Variants in PAXBP1 observed in about 807,000 individuals in gnomAD.
PAXBP1 encodes PAX3- and PAX7-binding protein 1.
A neutral mutation model predicts 119.9 loss-of-function variants in PAXBP1; 44 were observed. The observed-to-expected ratio is 0.37, with a 90% CI of 0.29 to 0.47. The LOEUF (loss-of-function observed/expected upper bound fraction) is 0.47, where lower values mean the gene tolerates loss of function less well. Ranked by LOEUF, PAXBP1 falls within the 20% of genes least tolerant of loss-of-function variation. The probability of loss-of-function intolerance (pLI) is 0.99; values close to 1 mark genes in which losing one functional copy is unlikely to be tolerated. For synonymous variants in PAXBP1, 393 were observed against 406.6 expected, an observed-to-expected ratio of 0.97 and a Z score of 0.40; for missense variants, 898 against 1,134.1, an observed-to-expected ratio of 0.79 and a Z score of 2.99.
rs1718621779 is a variant in PAXBP1, at chr21:32,771,655, G to A, written c.14C>T (p.Ala5Val). 7.0e-7 allele frequency: 1 copy of A among 1,430,946 alleles called. No homozygotes were observed. Among genetic ancestry groups the A allele is most frequent in the Admixed American group, 2.9e-5 (1 of 35,016 alleles). The allele number at this position is 1,430,946 out of a possible 1,614,324, so 88.6% of individuals were successfully genotyped here. A position where few individuals can be genotyped will look rare whatever the true frequency, so the allele number is the denominator to read the frequency against. ...CCGCTTGCGCACGTTCACCCGCCGG[G>A]CCTTTCGGAACATCCCCGCGGCCCG... MFRK[A>V]RRVNVRKRND... Residue 5 changes from alanine (A) to valine (V), a missense_variant, in exon 1 of 18, where the codon GCC becomes GTC. Ala to Val is a moderately conservative substitution (Grantham distance 64). Coordinates refer to ENST00000331923, the MANE Select transcript of PAXBP1 (RefSeq NM_016631.4).
Position 32,764,512 on chromosome 21 carries a change from A to C in PAXBP1, c.485T>G (p.Leu162Trp), listed in dbSNP as rs781563968. Residue 162 changes from leucine to tryptophan, a missense_variant, in exon 3 of 18, where the codon TTG becomes TGG. Coordinates refer to ENST00000331923, the MANE Select transcript of PAXBP1 (RefSeq NM_016631.4). ...LNSSAESEQP[L>W]DKTGHVKDTN... ...ATCCTTAACATGTCCTGTTTTGTCC[A>C]AAGGTTGTTCACCTAAATTTTTGAA... is the stretch of plus-strand genomic sequence containing the variant. The C allele has an allele frequency of 3.8e-6, 6 of 1,596,440 alleles. No individual in the cohort carries two copies. In the East Asian group the frequency reaches 1.1e-4, roughly 30 times the overall value.
chr21:32,764,583 A>G, intron 2 of PAXBP1, 59 bp from the exon 3 acceptor site: 2 of 1,361,622 alleles, frequency 1.5e-6, no homozygotes, highest in Admixed American at 2.7e-5. Context: ...AAGAAAGTTT[A>G]TTCCAATGGT....
chr21:32,753,443 A>AAC (rs2043992684), intron 8 of PAXBP1, among the ~76,000 whole-genome samples: 2 of 151,808 alleles, frequency 1.3e-5, no homozygotes, highest in South Asian at 4.1e-4. Flanking sequence ...AAAAAAAAAA[A>AAC]AAAACATTAT....
intron 6 of PAXBP1, 51 bp from the exon 7 acceptor site, chr21:32,759,320 G>T: frequency 6.5e-7 from 1 of 1,535,132 alleles, no homozygotes; most frequent in Non-Finnish European, 8.9e-7. Flanking sequence ...AAAGGTCTAT[G>T]GTGTCAGGAC....
chr21:32,771,200 C>T, intron 1 of PAXBP1, 126 bp downstream of exon 1: 1 of 900,718 alleles, frequency 1.1e-6, no homozygotes, highest in Non-Finnish European at 1.5e-6. Flanking sequence ...GATTCGCAGC[C>T]GGTCGGACGG....
chr21:32,769,310 C>G lies in PAXBP1; in HGVS notation c.472+504G>C, dbSNP rs577624942. Among the ~76,000 whole-genome samples the G allele has an allele frequency of 9.9e-5, 15 of 151,954 alleles. No individual in the cohort carries two copies. In the South Asian group the frequency reaches 3.1e-3, roughly 32 times the overall value. On this transcript the variant is annotated intron_variant, in intron 2 of 17. Coordinates refer to ENST00000331923, the MANE Select transcript of PAXBP1 (RefSeq NM_016631.4). ...AGAGATGTCTGTACAATATACCTGC[C>G]TCATTATTCTAAGGAGTCTTCATCT...
At position 32,743,682 on chromosome 21, in the gene PAXBP1, T is replaced by G. The variant is rs779823211; in HGVS notation, c.2263A>C (p.Lys755Gln). The G allele has an allele frequency of 6.3e-7, 1 of 1,577,038 alleles. No homozygotes were observed. Among genetic ancestry groups the G allele is most frequent in the Admixed American group, 1.7e-5 (1 of 58,610 alleles). ...DDDVFMPLYP[K>Q]NVLENKNSGP... ...ATGTTCTTCAGAGTTACTTACTTTT[T>G]GGGATATAAGGGCATAAATACATCA... is the stretch of plus-strand genomic sequence containing the variant. The change falls in exon 14 of 18, where the codon AAA becomes CAA. Residue 755 changes from lysine to glutamine, a missense_variant. This residue lies in a region of PAXBP1 where 599 missense variants were observed against 852.7 expected (regional missense o/e 0.70). Coordinates refer to ENST00000331923, the MANE Select transcript of PAXBP1 (RefSeq NM_016631.4).
At chr21:32,758,506 A>T (rs1051292967) in intron 7 of PAXBP1, among the ~76,000 whole-genome samples, 2 of 152,064 alleles carry the variant, frequency 1.3e-5, no homozygotes, top group South Asian at 4.1e-4. Flanking sequence ...TCAACTGACT[A>T]TCCTATTGAA....
At chr21:32,758,718 G>A (rs991761718) in intron 7 of PAXBP1, among the ~76,000 whole-genome samples, 5 of 148,202 alleles carry the variant, frequency 3.4e-5, no homozygotes, top group African/African-American at 1.2e-4. Flanking sequence ...TTGTAGAAAC[G>A]TTTAAAAATA....
chr21:32,741,263 T>A (rs1194610247), intron 15 of PAXBP1: 3 of 308,758 alleles, frequency 9.7e-6, no homozygotes, highest in Non-Finnish European at 1.8e-5. Context: ...ATAACCAAAT[T>A]GGAAATGTCG....
At chr21:32,746,329 C>T (rs922133264) in intron 11 of PAXBP1, among the ~76,000 whole-genome samples, 1 of 152,150 alleles carries the variant, frequency 6.6e-6, no homozygotes, top group Admixed American at 6.5e-5. Context: ...AGTGAACAGA[C>T]AACCTACAGA....
At chr21:32,754,386 G>A (rs1353262666) in intron 8 of PAXBP1, among the ~76,000 whole-genome samples, 1 of 152,114 alleles carries the variant, frequency 6.6e-6, no homozygotes, top group Non-Finnish European at 1.5e-5. Context: ...TTCCATTTGA[G>A]AAATGCTGAC....
At chr21:32,760,728 A>C (rs1310478029) in intron 5 of PAXBP1, among the ~76,000 whole-genome samples, 2 of 152,106 alleles carry the variant, frequency 1.3e-5, no homozygotes, top group Non-Finnish European at 2.9e-5. Flanking sequence ...GGGGGCTGAT[A>C]ATTTGGTAAT....
At position 32,764,506 on chromosome 21, in the gene PAXBP1, T is replaced by TC; in HGVS notation, c.490_491insG (p.Lys164ArgfsTer6). On this transcript the variant is annotated frameshift_variant, in exon 3 of 18. Transcript: ENST00000331923. LOFTEE classifies it high-confidence loss of function. ...ATTTGTATCCTTAACATGTCCTGTT[T>TC]TGTCCAAAGGTTGTTCACCTAAATT... 6.2e-7 allele frequency: 1 copy of TC among 1,609,258 alleles called. No homozygotes were observed. The highest frequency in any genetic ancestry group is 2.2e-5 in the East Asian group (1 of 44,628).
At chr21:32,762,357 C>A in intron 3 of PAXBP1, 40 bp from the exon 4 acceptor site, 1 of 1,568,976 alleles carries the variant, frequency 6.4e-7, no homozygotes, top group South Asian at 1.2e-5. Context: ...ATGAGAGATG[C>A]AAAGTTTCTA....
At chr21:32,744,455 TAC>T (rs111776765) in intron 13 of PAXBP1, among the ~76,000 whole-genome samples, 268 of 152,108 alleles carry the variant, frequency 1.8e-3, no homozygotes, top group Middle Eastern at 6.8e-3. Flanking sequence ...CCCCAGAAAA[TAC>T]AGTCTTTAAA....
intron 15 of PAXBP1, among the ~76,000 whole-genome samples, chr21:32,740,379 C>T (rs1569154225): frequency 6.6e-6 from 1 of 152,202 alleles, no homozygotes; most frequent in Non-Finnish European, 1.5e-5. Flanking sequence ...CCACCTTGGG[C>T]ACATGTCATC....
chr21:32,746,746 C>T (rs533262970), intron 11 of PAXBP1, among the ~76,000 whole-genome samples: 1 of 152,144 alleles, frequency 6.6e-6, no homozygotes, highest in Non-Finnish European at 1.5e-5. Flanking sequence ...TATATACCTA[C>T]AGAAATATAA....
intron 7 of PAXBP1, among the ~76,000 whole-genome samples, 180 bp downstream of exon 7, chr21:32,758,900 T>C (rs1466049791): frequency 6.6e-6 from 1 of 152,172 alleles, no homozygotes; most frequent in African/African-American, 2.4e-5. Context: ...AAAGGTATTA[T>C]ATTGCCCTTA....
Sources: gnomAD v4.1 joint callset for allele counts (sites outside exome capture counted in the v4.1 genomes callset) on GRCh38, gnomAD v4.1.1 for gene constraint, gnomAD v4.1.1 regional missense constraint, MANE v1.5 for transcripts, NCBI Gene and HGNC (gene_info 2026-07-23, HGNC 2026-07-21) for gene names.